ARNT2: variants seen among roughly 807,000 people sequenced by gnomAD.
ARNT2 encodes ARNT protein 2.
A neutral mutation model predicts 91.7 loss-of-function variants in ARNT2; 36 were observed. That is an observed-to-expected ratio of 0.39 (90% CI 0.30 to 0.52). ARNT2 has a LOEUF of 0.52. ARNT2 is among the 20% of genes least tolerant of loss of function. The pLI, the probability that ARNT2 is intolerant of heterozygous loss-of-function variation, is 0.72. For missense variants in ARNT2, 775 were observed against 939.3 expected (o/e 0.83, Z 2.29); for synonymous variants, 365 against 347.1 (o/e 1.05, Z -0.57).
intron 1 of ARNT2, among the ~76,000 whole-genome samples, chr15:80,421,735 T>C (rs1216330030): frequency 6.6e-6 from 1 of 152,170 alleles, no homozygotes; most frequent in Non-Finnish European, 1.5e-5. Flanking sequence ...TGCACCTTTT[T>C]CCTAGGGTAT....
At chr15:80,480,592 C>A (rs1277539549) in intron 5 of ARNT2, among the ~76,000 whole-genome samples, 1 of 152,174 alleles carries the variant, frequency 6.6e-6, no homozygotes, top group Non-Finnish European at 1.5e-5. Flanking sequence ...GTTTCCCCTG[C>A]ATCATACTTC....
intron 1 of ARNT2, among the ~76,000 whole-genome samples, chr15:80,410,146 C>T (rs1260688319): frequency 1.3e-5 from 2 of 152,154 alleles, no homozygotes; most frequent in African/African-American, 4.8e-5. Flanking sequence ...TTAGATGGTG[C>T]TAACTTAGGT....
At chr15:80,478,440 G>A (rs1006163008) in intron 5 of ARNT2, among the ~76,000 whole-genome samples, 4 of 152,230 alleles carry the variant, frequency 2.6e-5, no homozygotes, top group Admixed American at 6.5e-5. Context: ...AAATGTCCTC[G>A]GAGTGGACAC....
rs5814026 is a variant in ARNT2, at chr15:80,470,185, TC to T, written c.195-28del. On this transcript the variant is annotated intron_variant, in intron 3 of 18. Transcript: ENST00000303329. ...TCCCTAATCTGATACTTCTCTTTTT[TC>T]CCCCTCTCCTGATCTCGTGCTTTCT... is the stretch of plus-strand genomic sequence containing the variant. The T allele has an allele frequency of 0.77, 1,223,719 of 1,586,866 alleles. 473,603 individuals are homozygous for T. Among genetic ancestry groups the T allele is most frequent in the East Asian group, 0.95 (42,512 of 44,596 alleles).
chr15:80,558,550 G>A (rs938882807), intron 11 of ARNT2, among the ~76,000 whole-genome samples: 3 of 151,992 alleles, frequency 2.0e-5, no homozygotes, highest in African/African-American at 7.3e-5. Flanking sequence ...ATGTTGGCCA[G>A]GCTGGTCTCA....
chr15:80,534,825 G>A (rs1897794498), intron 8 of ARNT2, among the ~76,000 whole-genome samples: 1 of 152,190 alleles, frequency 6.6e-6, no homozygotes, highest in Admixed American at 6.5e-5. Flanking sequence ...AAGTGCTATA[G>A]GAATGATACA....
chr15:80,483,028 ACT>A (rs1896912827), intron 5 of ARNT2, among the ~76,000 whole-genome samples: 1 of 152,180 alleles, frequency 6.6e-6, no homozygotes, highest in African/African-American at 2.4e-5. Context: ...GGAATCTATG[ACT>A]TTGTGAAATG....
At chr15:80,574,648 C>T (rs1898637429) in intron 13 of ARNT2, among the ~76,000 whole-genome samples, 1 of 152,200 alleles carries the variant, frequency 6.6e-6, no homozygotes, top group Non-Finnish European at 1.5e-5. Flanking sequence ...TTCACCGGCT[C>T]TGTCTCCTTT....
chr15:80,408,359 T>C (rs1371174252), intron 1 of ARNT2, among the ~76,000 whole-genome samples: 1 of 152,224 alleles, frequency 6.6e-6, no homozygotes, highest in Non-Finnish European at 1.5e-5. Flanking sequence ...GAACGTTGAC[T>C]AGGCATGTTC....
intron 8 of ARNT2, among the ~76,000 whole-genome samples, chr15:80,518,651 G>C (rs534770130): frequency 6.6e-6 from 1 of 152,130 alleles, no homozygotes; most frequent in African/African-American, 2.4e-5. Flanking sequence ...GATGTGGGAT[G>C]AGGAGTTGGG....
intron 17 of ARNT2, among the ~76,000 whole-genome samples, chr15:80,583,197 T>A (rs1158029136): frequency 6.6e-6 from 1 of 152,174 alleles, no homozygotes; most frequent in Non-Finnish European, 1.5e-5. Context: ...TGGGGGCCCT[T>A]GTGGCTGCAG....
At chr15:80,545,073 C>A (rs1200489562) in intron 8 of ARNT2, among the ~76,000 whole-genome samples, 1 of 152,178 alleles carries the variant, frequency 6.6e-6, no homozygotes, top group Non-Finnish European at 1.5e-5. Context: ...TCTAAGGACA[C>A]CTCCTACCCT....
At position 80,581,297 on chromosome 15, in the gene ARNT2, A is replaced by T; in HGVS notation, c.1811A>T (p.His604Leu). The change falls in exon 17 of 19, where the codon CAC becomes CTC. Residue 604 changes from histidine (H) to leucine (L), a missense_variant. Physicochemically the swap from His to Leu is moderately conservative, Grantham distance 99. This residue lies in a region of ARNT2 where 325 missense variants were observed against 359.9 expected (regional missense o/e 0.90). Coordinates refer to ENST00000303329, the MANE Select transcript of ARNT2 (RefSeq NM_014862.4). ...QSSPFGIGTSHTYPADPSSYS... is the reference protein window; with the variant it reads ...QSSPFGIGTSLTYPADPSSYS... ...TCTCCCTTTGGGATTGGAACGAGCC[A>T]CACCTACCCGGCAGACCCCTCTTCC... The T allele has an allele frequency of 6.2e-7, 1 of 1,614,136 alleles. No homozygotes were observed. The highest frequency in any genetic ancestry group is 8.5e-7 in the Non-Finnish European group (1 of 1,180,032).
At chr15:80,445,470 CGT>C (rs1372061450) in intron 1 of ARNT2, among the ~76,000 whole-genome samples, 1 of 127,646 alleles carries the variant, frequency 7.8e-6, no homozygotes, top group Non-Finnish European at 1.7e-5. Flanking sequence ...ATGTGAGTGA[CGT>C]GTGTGGGGGT....
At chr15:80,564,854 A>ACGTGGT (rs1401564323) in intron 12 of ARNT2, among the ~76,000 whole-genome samples, 1 of 151,740 alleles carries the variant, frequency 6.6e-6, no homozygotes, top group Non-Finnish European at 1.5e-5. Context: ...GCTGCAAAGG[A>ACGTGGT]CGTGGTTTTG....
intron 1 of ARNT2, among the ~76,000 whole-genome samples, chr15:80,428,100 T>C (rs11638967): frequency 6.6e-6 from 1 of 152,212 alleles, no homozygotes; most frequent in East Asian, 1.9e-4. Context: ...CTTTGCACAA[T>C]AAAAACGGTA....
chr15:80,468,210 T>C (rs2141393058), intron 3 of ARNT2, among the ~76,000 whole-genome samples: 1 of 152,194 alleles, frequency 6.6e-6, no homozygotes, highest in Non-Finnish European at 1.5e-5. Context: ...AGAGTTATCC[T>C]TTGTGGGTGG....
chr15:80,452,697 C>T (rs1275585103), intron 2 of ARNT2, among the ~76,000 whole-genome samples: 1 of 152,206 alleles, frequency 6.6e-6, no homozygotes, highest in African/African-American at 2.4e-5. Context: ...GGACCAAGTC[C>T]AGGCAGAGAT....
intron 8 of ARNT2, among the ~76,000 whole-genome samples, chr15:80,519,795 C>T (rs2141432626): frequency 6.7e-6 from 1 of 149,992 alleles, no homozygotes; most frequent in South Asian, 2.1e-4. Context: ...ACGCCATTCT[C>T]CTGCCTCAGC....
Sources: gnomAD v4.1 joint callset for allele counts (sites outside exome capture counted in the v4.1 genomes callset) on GRCh38, gnomAD v4.1.1 for gene constraint, gnomAD v4.1.1 regional missense constraint, MANE v1.5 for transcripts, NCBI Gene and HGNC (gene_info 2026-07-23, HGNC 2026-07-21) for gene names.